Variants in DOCK11 observed in about 807,000 individuals in gnomAD.
The protein encoded by DOCK11 is dedicator of cytokinesis 11, also known as dedicator of cytokinesis protein 11.
In DOCK11, 70 loss-of-function variants were observed where a neutral mutation model predicts 169.1. The ratio of observed to expected loss-of-function variants is 0.41; its 90% confidence interval spans 0.34 to 0.51. The LOEUF (loss-of-function observed/expected upper bound fraction) is 0.51, where lower values mean the gene tolerates loss of function less well. Ranked by LOEUF, DOCK11 falls within the 20% of genes least tolerant of loss-of-function variation. The probability of loss-of-function intolerance (pLI) is 0.10; values close to 1 mark genes in which losing one functional copy is unlikely to be tolerated. For missense variants in DOCK11, 1,166 were observed against 1,538.8 expected (o/e 0.76, Z 4.05); for synonymous variants, 529 against 541.3 (o/e 0.98, Z 0.32).
At position 118,648,839 on chromosome X, in the gene DOCK11, C is replaced by T. The variant is rs1039298176; in HGVS notation, c.4399-106C>T. 4.8e-5 allele frequency: 34 copies of T among 714,628 alleles called. No homozygotes were observed. In the African/African-American group the frequency reaches 5.6e-4, roughly 12 times the overall value. 58.9% of individuals were successfully genotyped at this position (714,628 alleles called of 1,213,427 possible). On this transcript the variant is annotated intron_variant, in intron 40 of 52. Transcript: ENST00000276202. Reference sequence around the variant, plus strand: ...CTGCCTTATGTTGATTTTGTATCCTCAAAGCCCCCAGCATAGTTTTAGGTG... The same window carrying T: ...CTGCCTTATGTTGATTTTGTATCCTTAAAGCCCCCAGCATAGTTTTAGGTG...
intron 28 of DOCK11, among the ~76,000 whole-genome samples, chrX:118,610,998 C>T (rs2014670295): frequency 9.0e-6 from 1 of 111,493 alleles, no homozygotes; most frequent in African/African-American, 3.3e-5. Context: ...GAAATCACAC[C>T]ACTGCACTCC....
intron 45 of DOCK11, among the ~76,000 whole-genome samples, chrX:118,663,043 G>A (rs939487229): frequency 8.9e-6 from 1 of 111,965 alleles, no homozygotes; most frequent in Admixed American, 9.5e-5. Context: ...CTAGATAAGA[G>A]TCAACACATG....
Position 118,597,470 on chromosome X carries a change from T to G in DOCK11, c.2303T>G (p.Ile768Ser). ...AWVPLLKDGR[I>S]ITFEQQLPVS... ...GTACCTTTGCTGAAAGATGGTAGAA[T>G]CATCACATTTGAGCAGCAGCTGCCA... Residue 768 changes from isoleucine (I) to serine (S), a missense_variant, in exon 21 of 53, where the codon ATC becomes AGC. Ile to Ser is a moderately radical substitution (Grantham distance 142, BLOSUM62 -2). Transcript: ENST00000276202. 8.3e-7 allele frequency: 1 copy of G among 1,211,531 alleles called. No individual in the cohort carries two copies. The highest frequency in any genetic ancestry group is 1.8e-5 in the South Asian group (1 of 56,980).
At chrX:118,655,434 G>A (rs2016043658) in intron 44 of DOCK11, among the ~76,000 whole-genome samples, 1 of 111,987 alleles carries the variant, frequency 8.9e-6, no homozygotes, top group Admixed American at 9.5e-5. Flanking sequence ...CTCAAGTCGG[G>A]ATAACACAGA....
At chrX:118,586,528 C>G (rs1252171433) in intron 16 of DOCK11, among the ~76,000 whole-genome samples, 2 of 111,684 alleles carry the variant, frequency 1.8e-5, no homozygotes, top group African/African-American at 6.5e-5. Flanking sequence ...CACCAGGTCT[C>G]TCCCTCAACA....
At chrX:118,585,163 C>T in intron 16 of DOCK11, 46 bp downstream of exon 16, 4 of 1,079,870 alleles carry the variant, frequency 3.7e-6, no homozygotes, top group Non-Finnish European at 5.1e-6. Context: ...GTTTGAATGT[C>T]AGGTTGTTAT....
At chrX:118,537,668 C>T (rs1284110649) in intron 1 of DOCK11, among the ~76,000 whole-genome samples, 1 of 111,414 alleles carries the variant, frequency 9.0e-6, no homozygotes, top group African/African-American at 3.3e-5. Context: ...TATATTTATA[C>T]ACATACAGTT....
intron 28 of DOCK11, among the ~76,000 whole-genome samples, chrX:118,613,607 C>T (rs1436017458): frequency 1.8e-5 from 2 of 112,221 alleles, no homozygotes; most frequent in Non-Finnish European, 3.8e-5. Context: ...ATAGAAGTAG[C>T]GAAAGAATTG....
Position 118,542,345 on chromosome X carries a change from A to G in DOCK11, c.103-380A>G, listed in dbSNP as rs190568571. 2.8e-3 allele frequency among the ~76,000 whole-genome samples: 309 copies of G among 109,522 alleles called. 3 individuals are homozygous for G. The highest frequency in any genetic ancestry group is 9.2e-3 in the African/African-American group (278 of 30,106). ...GCTATCACACCCAGCTAATTTTTGTACTTTTTGTTGAGATGGGGTTTTCTC... is the reference window on the plus strand; with the variant it reads ...GCTATCACACCCAGCTAATTTTTGTGCTTTTTGTTGAGATGGGGTTTTCTC... On this transcript the variant is annotated intron_variant, in intron 1 of 52. Coordinates refer to ENST00000276202, the MANE Select transcript of DOCK11 (RefSeq NM_144658.4).
chrX:118,628,309 C>A, intron 34 of DOCK11, 37 bp downstream of exon 34: 1 of 955,692 alleles, frequency 1.0e-6, no homozygotes, highest in Non-Finnish European at 1.5e-6. Flanking sequence ...CCTAGTGACA[C>A]ATTAGCCTGC....
chrX:118,575,834 T>C (rs551124187), intron 12 of DOCK11, among the ~76,000 whole-genome samples: 1 of 112,647 alleles, frequency 8.9e-6, no homozygotes, highest in African/African-American at 3.2e-5. Context: ...ATTACTTCAG[T>C]GTGTAGCACT....
chrX:118,496,244 C>T (rs2057535695), intron 1 of DOCK11, among the ~76,000 whole-genome samples, 171 bp downstream of exon 1: 1 of 112,057 alleles, frequency 8.9e-6, no homozygotes, highest in South Asian at 3.6e-4. Context: ...GTCCCAGGCG[C>T]CGGCTGACAG....
At chrX:118,610,520 T>C (rs2014657176) in intron 28 of DOCK11, 102 bp downstream of exon 28, 1 of 962,336 alleles carries the variant, frequency 1.0e-6, no homozygotes, top group Non-Finnish European at 1.4e-6. Context: ...TAGGTCTTCA[T>C]AAGACTGTTG....
At chrX:118,563,339 G>A (rs1050835310) in intron 7 of DOCK11, among the ~76,000 whole-genome samples, 1 of 111,158 alleles carries the variant, frequency 9.0e-6, no homozygotes, top group East Asian at 2.8e-4. Flanking sequence ...AGCTACTCAG[G>A]AGCCTGTGGC....
Position 118,643,501 on chromosome X carries a change from A to G in DOCK11, c.4305A>G (p.Lys1435=), listed in dbSNP as rs1434384857. The G allele has an allele frequency of 2.5e-6, 3 of 1,207,976 alleles. No individual in the cohort carries two copies. The highest frequency in any genetic ancestry group is 3.0e-5 in the East Asian group (1 of 33,774). Residue 1435 remains lysine, a synonymous_variant, in exon 40 of 53, where the codon AAA becomes AAG. Coordinates refer to ENST00000276202, the MANE Select transcript of DOCK11 (RefSeq NM_144658.4). ...ATGGCCATAACCCATTAATGAAAAA[A>G]GTGTTTGATATACATCTTGCTTTTC... ...NNDGHNPLMK[K]VFDIHLAFLK... is the part of the protein sequence containing the mutation.
At position 118,649,057 on chromosome X, in the gene DOCK11, T is replaced by C; in HGVS notation, c.4511T>C (p.Leu1504Pro). Residue 1504 changes from leucine to proline, a missense_variant, in exon 41 of 53, where the codon CTT (leucine) becomes CCT (proline). By Grantham distance (98) the Leu-to-Pro change is moderately conservative (BLOSUM62 -3). Transcript: ENST00000276202. ...ISSTRNEASA[L>P]LYLLMRNNFE... ...TCAACCAGGAATGAAGCATCTGCAC[T>C]TTTGTATCTTTTGATGAGAAACAAC... The C allele has an allele frequency of 3.3e-6, 4 of 1,208,556 alleles. No individual in the cohort carries two copies. Among genetic ancestry groups the C allele is most frequent in the Non-Finnish European group, 4.5e-6 (4 of 893,906 alleles).
chrX:118,533,839 G>C (rs940278040), intron 1 of DOCK11, among the ~76,000 whole-genome samples: 8 of 112,093 alleles, frequency 7.1e-5, no homozygotes, highest in South Asian at 3.7e-4. Context: ...TAAGATCTGA[G>C]GCAGGTTATA....
At chrX:118,496,165 G>C (rs1476969113) in intron 1 of DOCK11, 92 bp downstream of exon 1, 1 of 598,448 alleles carries the variant, frequency 1.7e-6, no homozygotes, top group South Asian at 7.1e-5. Context: ...GCGGCCGCTT[G>C]GTGCGCCGCG....
At chrX:118,555,853 G>C (rs1290071266) in intron 6 of DOCK11, among the ~76,000 whole-genome samples, 3 of 110,407 alleles carry the variant, frequency 2.7e-5, no homozygotes, top group Non-Finnish European at 5.7e-5. Flanking sequence ...CATTAGGCAA[G>C]TTCCCCTACA....
Sources: allele counts gnomAD v4.1 joint callset (sites outside exome capture counted in the v4.1 genomes callset), GRCh38; gene constraint gnomAD v4.1.1; transcripts MANE v1.5; gene names NCBI Gene and HGNC (gene_info 2026-07-23, HGNC 2026-07-21).